CDKL3: variants seen among roughly 807,000 people sequenced by gnomAD.
The protein encoded by CDKL3 is cyclin-dependent kinase-like 3.
CDKL3 carries 65 observed loss-of-function variants against 69.3 expected under a neutral mutation model. The ratio of observed to expected loss-of-function variants is 0.94; its 90% CI spans 0.77 to 1.15. CDKL3 has a LOEUF of 1.15. Among genes scored for constraint, CDKL3 ranks in the 50% most tolerant of loss-of-function variants. CDKL3 has a pLI of 0.00. For synonymous variants in CDKL3, 202 were observed against 221.6 expected, an observed-to-expected ratio of 0.91 and a Z score of 0.79; for missense variants, 652 against 689.2, an observed-to-expected ratio of 0.95 and a Z score of 0.61.
chr5:134,337,677 G>A (rs938819797), intron 4 of CDKL3, among the ~76,000 whole-genome samples: 1 of 152,046 alleles, frequency 6.6e-6, no homozygotes, highest in African/African-American at 2.4e-5. Flanking sequence ...GCAAGACCTT[G>A]TTTCTACATT....
chr5:134,317,436 G>C (rs891570365), intron 6 of CDKL3, among the ~76,000 whole-genome samples: 2 of 152,140 alleles, frequency 1.3e-5, no homozygotes, highest in Non-Finnish European at 2.9e-5. Context: ...TTATAGGCAC[G>C]AGCCACTGCA....
At chr5:134,312,727 G>A (rs896395891) in intron 6 of CDKL3, among the ~76,000 whole-genome samples, 17 of 152,214 alleles carry the variant, frequency 1.1e-4, no homozygotes, top group African/African-American at 4.1e-4. Context: ...GCATTTTACA[G>A]ATCTAGAAGC....
At chr5:134,371,428 C>T, upstream of CDKL3, 2 of 840,458 alleles carry the variant, frequency 2.4e-6, no homozygotes, top group Non-Finnish European at 1.8e-6. Context: ...CGGAGGGATC[C>T]GGAGGCGGCG....
At chr5:134,290,347 C>T (rs1765073965) in intron 8 of CDKL3, among the ~76,000 whole-genome samples, 1 of 107,778 alleles carries the variant, frequency 9.3e-6, no homozygotes, top group Non-Finnish European at 1.7e-5. Context: ...GAGTGAGACT[C>T]TGTCTCAAAA....
chr5:134,293,837 C>G (rs548459237), downstream of CDKL3, among the ~76,000 whole-genome samples: 2 of 151,734 alleles, frequency 1.3e-5, no homozygotes, highest in African/African-American at 4.8e-5. Context: ...AGGCCAGGTA[C>G]AGTGGTTCAG....
At chr5:134,324,550 G>T (rs962508116) in intron 4 of CDKL3, among the ~76,000 whole-genome samples, 2 of 151,946 alleles carry the variant, frequency 1.3e-5, no homozygotes, top group Admixed American at 1.3e-4. Context: ...CAAAAAAAAA[G>T]GAGGAACCTT....
chr5:134,332,129 C>G (rs938283073), intron 4 of CDKL3, among the ~76,000 whole-genome samples: 2 of 152,148 alleles, frequency 1.3e-5, no homozygotes, highest in Admixed American at 1.3e-4. Flanking sequence ...CCTTTGCCCA[C>G]TTTTTGATGC....
At chr5:134,310,122 T>C (rs1769011781) in intron 7 of CDKL3, among the ~76,000 whole-genome samples, 1 of 151,530 alleles carries the variant, frequency 6.6e-6, no homozygotes, top group South Asian at 2.1e-4. Context: ...TCAGCTACCA[T>C]GCCCAGCCAA....
chr5:134,317,661 A>C (rs1376750544), intron 6 of CDKL3, among the ~76,000 whole-genome samples: 6 of 152,022 alleles, frequency 3.9e-5, no homozygotes, highest in Admixed American at 2.0e-4. Context: ...GCACTGTGGC[A>C]CATGTGTGTA....
rs1340536522 is a variant in CDKL3, at chr5:134,367,047, T to C, written c.-92A>G. The C allele has an allele frequency of 8.1e-6, 8 of 988,426 alleles. No homozygotes were observed. In the Admixed American group the frequency reaches 3.1e-4, roughly 38 times the overall value. The allele number at this position is 988,426 out of a possible 1,614,324, so 61.2% of individuals were successfully genotyped here. A position where few individuals can be genotyped will look rare whatever the true frequency, so the allele number is the denominator to read the frequency against. ...GCCGCCGCCTCAGCCCATTCTGTGG[T>C]CCCGCTGGTCTGGCTCTGCGTAGTT... is the stretch of plus-strand genomic sequence containing the variant. On this transcript the variant is annotated 5_prime_UTR_variant, in exon 1 of 13. Coordinates refer to ENST00000265334, the MANE Select transcript of CDKL3 (RefSeq NM_001113575.2).
At chr5:134,324,800 C>A (rs1377470052) in intron 4 of CDKL3, among the ~76,000 whole-genome samples, 2 of 151,988 alleles carry the variant, frequency 1.3e-5, no homozygotes, top group African/African-American at 4.8e-5. Context: ...TTATCAAAAC[C>A]CAGGAAATAC....
At chr5:134,358,365 C>T (rs1340704466) in intron 3 of CDKL3, among the ~76,000 whole-genome samples, 1 of 152,156 alleles carries the variant, frequency 6.6e-6, no homozygotes, top group Admixed American at 6.6e-5. Context: ...ATTCTACTTA[C>T]TTTAGTTTTA....
chr5:134,298,808 A>T (rs1170477732), intron 12 of CDKL3, 98 bp from the exon 13 acceptor site: 1 of 1,477,868 alleles, frequency 6.8e-7, no homozygotes, highest in Non-Finnish European at 9.2e-7. Context: ...CATGTAAATT[A>T]CTAAATTATA....
intron 4 of CDKL3, among the ~76,000 whole-genome samples, chr5:134,340,651 C>A (rs74799564): frequency 1.3e-5 from 2 of 152,090 alleles, no homozygotes; most frequent in African/African-American, 4.8e-5. Flanking sequence ...ACTACTGAAA[C>A]TGGCTCAATA....
At chr5:134,353,629 G>A (rs960941119) in intron 3 of CDKL3, among the ~76,000 whole-genome samples, 1 of 149,136 alleles carries the variant, frequency 6.7e-6, no homozygotes, top group Non-Finnish European at 1.5e-5. Flanking sequence ...TCGGCTCACT[G>A]CAACCTCTGG....
downstream of CDKL3, among the ~76,000 whole-genome samples, chr5:134,294,562 T>C (rs1482401892): frequency 6.6e-6 from 1 of 152,078 alleles, no homozygotes; most frequent in Non-Finnish European, 1.5e-5. Context: ...GCGAAACTAT[T>C]ATTATCTGCA....
At position 134,357,933 on chromosome 5, in the gene CDKL3, G is replaced by C. The variant is rs181919127; in HGVS notation, c.360+1964C>G. Among the ~76,000 whole-genome samples, 4 of 152,188 alleles carry C rather than the reference G, an allele frequency of 2.6e-5. No homozygotes were observed. The East Asian group carries it at 7.7e-4, about 29-fold the overall frequency. On this transcript the variant is annotated intron_variant, in intron 3 of 12. Transcript: ENST00000265334. ...AGCAATGCTCAAGAACCTTCAATGG[G>C]CTGGATGTGGTGGCATGTGCCTGTA...
intron 4 of CDKL3, among the ~76,000 whole-genome samples, chr5:134,332,196 C>T (rs1775960932): frequency 6.6e-6 from 1 of 152,086 alleles, no homozygotes; most frequent in East Asian, 1.9e-4. Flanking sequence ...GATATTAGCC[C>T]TTTGTCAGAT....
At chr5:134,305,638 T>C (rs1049726276) in intron 10 of CDKL3, among the ~76,000 whole-genome samples, 1 of 152,240 alleles carries the variant, frequency 6.6e-6, no homozygotes, top group Non-Finnish European at 1.5e-5. Flanking sequence ...TGATAAAATC[T>C]TGTCTAGATC....
Sources: allele counts gnomAD v4.1 joint callset (sites outside exome capture counted in the v4.1 genomes callset), GRCh38; gene constraint gnomAD v4.1.1; transcripts MANE v1.5; gene names NCBI Gene and HGNC (gene_info 2026-07-23, HGNC 2026-07-21).